The following KCNA6 variants were observed in gnomAD, a reference collection of about 807,000 sequenced individuals.
KCNA6 encodes human brain potassium channel-2.
KCNA6 carries 17 observed loss-of-function variants against 29.5 expected under a neutral mutation model. The observed-to-expected ratio is 0.58, with a 90% CI of 0.39 to 0.86. KCNA6 has a LOEUF of 0.86. Among genes scored for constraint, KCNA6 ranks in the 40% least tolerant of loss-of-function variants. The pLI, the probability that KCNA6 is intolerant of heterozygous loss-of-function variation, is 0.00. For synonymous variants in KCNA6, 296 were observed against 304.7 expected (o/e 0.97, Z 0.30); for missense variants, 450 against 703.4 (o/e 0.64, Z 4.07).
the KCNA6 span, among the ~76,000 whole-genome samples, chr12:4,835,254 C>CATT: frequency 6.6e-6 from 1 of 151,596 alleles, no homozygotes; most frequent in Non-Finnish European, 1.5e-5. Flanking sequence ...CCTGCCTCAG[C>CATT]CTCCCGAGTA....
the KCNA6 span, among the ~76,000 whole-genome samples, chr12:4,833,177 A>C: frequency 9.9e-5 from 15 of 152,156 alleles, no homozygotes; most frequent in African/African-American, 3.6e-4. Flanking sequence ...CCAATTAAAA[A>C]CCGAAAAGTT....
chr12:4,842,079 G>A, the KCNA6 span, among the ~76,000 whole-genome samples: 3 of 149,522 alleles, frequency 2.0e-5, no homozygotes, highest in Non-Finnish European at 4.4e-5. Flanking sequence ...ATGAGGAGGA[G>A]GAGTGGAAGG....
chr12:4,820,026 G>A, the KCNA6 span, among the ~76,000 whole-genome samples: 1 of 152,136 alleles, frequency 6.6e-6, no homozygotes, highest in Admixed American at 6.5e-5. Flanking sequence ...GAGTGGGGCC[G>A]AAACTACCTG....
At chr12:4,833,947 T>C in the KCNA6 span, among the ~76,000 whole-genome samples, 1 of 144,312 alleles carries the variant, frequency 6.9e-6, no homozygotes, top group Non-Finnish European at 1.5e-5. Context: ...TTTTTTTTTT[T>C]AGACAGGGTC....
chr12:4,817,033 T>A (rs146285667), downstream of KCNA6, among the ~76,000 whole-genome samples: 235 of 152,320 alleles, frequency 1.5e-3, no homozygotes, highest in African/African-American at 5.4e-3. Flanking sequence ...CATTCCAAGA[T>A]AGATTCCCAG....
the KCNA6 span, among the ~76,000 whole-genome samples, chr12:4,845,277 G>A: frequency 6.6e-6 from 1 of 152,212 alleles, no homozygotes; most frequent in Non-Finnish European, 1.5e-5. Flanking sequence ...ATGCCTTTAT[G>A]CAGTTCTCAA....
At chr12:4,825,500 T>TA in the KCNA6 span, among the ~76,000 whole-genome samples, 1 of 152,182 alleles carries the variant, frequency 6.6e-6, no homozygotes, top group Admixed American at 6.5e-5. Flanking sequence ...ATCCAACAAA[T>TA]ACATTTTGGA....
chr12:4,816,661 A>T (rs757712310), downstream of KCNA6, among the ~76,000 whole-genome samples: 1 of 152,058 alleles, frequency 6.6e-6, no homozygotes, highest in East Asian at 1.9e-4. Context: ...GAATTTTTTG[A>T]AATTTTTTTT....
At chr12:4,821,418 A>ATG in the KCNA6 span, among the ~76,000 whole-genome samples, 35,142 of 142,996 alleles carry the variant, frequency 0.25, 4,260 homozygotes, top group Middle Eastern at 0.33. Context: ...ACTCACTTGG[A>ATG]TGTGTGTGTG....
chr12:4,812,813 G>C lies in KCNA6; in HGVS notation c.*1182G>C, dbSNP rs540374165. 13 of 167,230 alleles carry C rather than the reference G, an allele frequency of 7.8e-5. No homozygotes were observed. In the East Asian group the frequency reaches 2.3e-3, roughly 30 times the overall value. 10.4% of individuals were successfully genotyped at this position (167,230 alleles called of 1,614,324 possible). Reference sequence around the variant, plus strand: ...TCCTTTGCCAACAGCCTCACTCTAAGAGGCTTTTTTGCTGAGTCAAGCAAA... The same window carrying C: ...TCCTTTGCCAACAGCCTCACTCTAACAGGCTTTTTTGCTGAGTCAAGCAAA... On this transcript the variant is annotated 3_prime_UTR_variant, in exon 1 of 1. Coordinates refer to ENST00000280684, the Ensembl canonical transcript of KCNA6.
chr12:4,812,473 T>C (rs1946641918), exon 1 of KCNA6: 1 of 167,126 alleles, frequency 6.0e-6, no homozygotes, highest in Admixed American at 6.5e-5. Context: ...CCAGGAGGAA[T>C]GTCTGAGCAG....
the KCNA6 span, among the ~76,000 whole-genome samples, chr12:4,837,991 A>T: frequency 6.6e-5 from 10 of 152,090 alleles, no homozygotes; most frequent in African/African-American, 2.4e-4. Context: ...CCGCTCTCCA[A>T]GTGTTCCACT....
At chr12:4,817,657 G>A (rs78245922), downstream of KCNA6, among the ~76,000 whole-genome samples, 412 of 152,284 alleles carry the variant, frequency 2.7e-3, 4 homozygotes, top group African/African-American at 7.5e-3. Flanking sequence ...AAGAGGAAAG[G>A]TTCCTACCCT....
chr12:4,831,545 G>A, the KCNA6 span, among the ~76,000 whole-genome samples: 3 of 152,182 alleles, frequency 2.0e-5, no homozygotes, highest in African/African-American at 7.2e-5. Flanking sequence ...CATGGGAGCT[G>A]GAAGGGGTCG....
In KCNA6 at chr12:4,811,776, C is replaced by T; in HGVS notation, c.*145C>T. 1 of 878,656 alleles carries T rather than the reference C, an allele frequency of 1.1e-6. No homozygotes were observed. The highest frequency in any genetic ancestry group is 1.7e-5 in the South Asian group (1 of 58,480). The allele number at this position is 878,656 out of a possible 1,614,324, so 54.4% of individuals were successfully genotyped here. A position where few individuals can be genotyped will look rare whatever the true frequency, so the allele number is the denominator to read the frequency against. ...CTACCTGGCATCCAGGACCAAATAC[C>T]TGGACTATCAACCTTGTTGCTTAAT... On this transcript the variant is annotated 3_prime_UTR_variant, in exon 1 of 1. Coordinates refer to ENST00000280684, the Ensembl canonical transcript of KCNA6. This position sits in a 1 kb window ranked among gnomAD's most constrained non-coding sequence, Gnocchi z 7.1.
At chr12:4,849,956 A>G in the KCNA6 span, among the ~76,000 whole-genome samples, 4 of 152,364 alleles carry the variant, frequency 2.6e-5, no homozygotes, top group Non-Finnish European at 2.9e-5. Context: ...AGACACACGC[A>G]TTGTGTCAGG....
At chr12:4,827,090 C>T in the KCNA6 span, among the ~76,000 whole-genome samples, 1 of 149,112 alleles carries the variant, frequency 6.7e-6, no homozygotes. Context: ...TCCCCTCCAT[C>T]GTCCCCTCTC....
the KCNA6 span, among the ~76,000 whole-genome samples, chr12:4,831,527 C>G: frequency 6.6e-6 from 1 of 152,182 alleles, no homozygotes; most frequent in Non-Finnish European, 1.5e-5. Flanking sequence ...GATGGAAAAC[C>G]TCCCAGCCAT....
At chr12:4,837,451 G>A in the KCNA6 span, among the ~76,000 whole-genome samples, 1 of 152,184 alleles carries the variant, frequency 6.6e-6, no homozygotes, top group Admixed American at 6.5e-5. Flanking sequence ...CCTGGGGCTT[G>A]TGACTGGCAC....
Sources: gnomAD v4.1 joint callset for allele counts (sites outside exome capture counted in the v4.1 genomes callset) on GRCh38, gnomAD v4.1.1 for gene constraint, Gnocchi (gnomAD v3.1) non-coding constraint, MANE v1.5 for transcripts, NCBI Gene and HGNC (gene_info 2026-07-23, HGNC 2026-07-21) for gene names.